Variants in RPE65 observed in about 807,000 individuals in gnomAD.
The protein encoded by RPE65 is retinoid isomerohydrolase.
A neutral mutation model predicts 68.5 loss-of-function variants in RPE65; 58 were observed. That is an observed-to-expected ratio of 0.85 (90% CI 0.69 to 1.05). The LOEUF (loss-of-function observed/expected upper bound fraction) is 1.05, where lower values mean the gene tolerates loss of function less well. RPE65 is among the 50% of genes least tolerant of loss of function. The probability of loss-of-function intolerance (pLI) is 0.00; values close to 1 mark genes in which losing one functional copy is unlikely to be tolerated. For synonymous variants in RPE65, 220 were observed against 222.2 expected (o/e 0.99, Z 0.09); for missense variants, 643 against 629.9 (o/e 1.02, Z -0.22).
Position 68,431,293 on chromosome 1 carries a change from C to T in RPE65, c.1327G>A (p.Val443Ile). Reference sequence around the variant, plus strand: ...GAAGGATTAATTACCCTATCTGGAACAAAGTGATTCAAGCCAAGTCCATAC... The same window carrying T: ...GAAGGATTAATTACCCTATCTGGAATAAAGTGATTCAAGCCAAGTCCATAC... ...YAYGLGLNHF[V>I]PDRLCKLNVK... Residue 443 changes from valine to isoleucine, a missense_variant, in exon 12 of 14, where the codon GTT becomes ATT. Val to Ile is a conservative substitution (Grantham distance 29). Coordinates refer to ENST00000262340, the MANE Select transcript of RPE65 (RefSeq NM_000329.3). The T allele has an allele frequency of 6.2e-7, 1 of 1,613,880 alleles. No individual in the cohort carries two copies. Among genetic ancestry groups the T allele is most frequent in the Non-Finnish European group, 8.5e-7 (1 of 1,179,878 alleles).
chr1:68,438,825 C>G (rs2100818065), intron 9 of RPE65, 117 bp downstream of exon 9: 1 of 1,291,230 alleles, frequency 7.7e-7, no homozygotes, highest in Non-Finnish European at 1.1e-6. Flanking sequence ...ATTTTTGACT[C>G]TCACATAACT....
intron 10 of RPE65, among the ~76,000 whole-genome samples, chr1:68,437,734 C>T (rs1265287473): frequency 6.6e-6 from 1 of 152,086 alleles, no homozygotes; most frequent in African/African-American, 2.4e-5. Flanking sequence ...TGATTTTTAA[C>T]CTCTAGTGAT....
At chr1:68,445,910 G>A (rs935884054) in intron 3 of RPE65, among the ~76,000 whole-genome samples, 2 of 151,674 alleles carry the variant, frequency 1.3e-5, no homozygotes, top group Non-Finnish European at 2.9e-5. Context: ...CTACATTTCT[G>A]CTTGACATCA....
At chr1:68,440,269 A>G (rs539837619) in intron 6 of RPE65, among the ~76,000 whole-genome samples, 1 of 152,322 alleles carries the variant, frequency 6.6e-6, no homozygotes, top group African/African-American at 2.4e-5. Flanking sequence ...AAATAATACT[A>G]AACAAAAATC....
At chr1:68,436,013 C>A (rs1190710453) in intron 10 of RPE65, among the ~76,000 whole-genome samples, 1 of 152,230 alleles carries the variant, frequency 6.6e-6, no homozygotes, top group Non-Finnish European at 1.5e-5. Context: ...ATGATTATTA[C>A]AGTTCCCTAT....
rs1645946067 is a variant in RPE65 at position 68,446,822 on chromosome 1, A to G, written c.133T>C (p.Cys45Arg). The change falls in exon 3 of 14, where the codon TGT (cysteine) becomes CGT (arginine). Residue 45 changes from cysteine to arginine, a missense_variant. Transcript: ENST00000262340. ...CCAACTTCAAAGAGTCCTGGCCCAC[A>G]TCGAAGGAGACTGCCGGTGAGCCAG... ...PLWLTGSLLRCGPGLFEVGSE... is the reference protein window; with the variant it reads ...PLWLTGSLLRRGPGLFEVGSE... 6.2e-7 allele frequency: 1 copy of G among 1,613,884 alleles called. No individual in the cohort carries two copies.
chr1:68,444,467 A>C, intron 5 of RPE65, 64 bp downstream of exon 5: 1 of 1,583,996 alleles, frequency 6.3e-7, no homozygotes, highest in Non-Finnish European at 8.7e-7. Context: ...TGAATAATTT[A>C]TGTTGAATTA....
At chr1:68,434,308 T>C (rs1425247467) in intron 10 of RPE65, among the ~76,000 whole-genome samples, 1 of 151,972 alleles carries the variant, frequency 6.6e-6, no homozygotes, top group African/African-American at 2.4e-5. Flanking sequence ...AGAAACTGAT[T>C]CCCCTGGAAA....
intron 6 of RPE65, 149 bp downstream of exon 6, chr1:68,440,704 G>C: frequency 1.0e-6 from 1 of 963,618 alleles, no homozygotes; most frequent in African/African-American, 1.6e-5. Context: ...CCCCTTATAG[G>C]GTAGGGATGA....
chr1:68,430,987 C>T, intron 13 of RPE65, 78 bp downstream of exon 13: 1 of 1,107,570 alleles, frequency 9.0e-7, no homozygotes, highest in Non-Finnish European at 1.4e-6. Context: ...GAATAATCAA[C>T]CTTACTCCTT....
At chr1:68,437,399 G>C (rs1480874083) in intron 10 of RPE65, among the ~76,000 whole-genome samples, 3 of 152,056 alleles carry the variant, frequency 2.0e-5, no homozygotes, top group African/African-American at 7.2e-5. Context: ...ATTCTTCATA[G>C]AGCTTACAAA....
intron 9 of RPE65, among the ~76,000 whole-genome samples, chr1:68,438,599 G>A (rs1476608371): frequency 2.0e-5 from 3 of 152,166 alleles, no homozygotes; most frequent in Non-Finnish European, 1.5e-5. Flanking sequence ...TGTCTTCTTA[G>A]TGATTTGGCT....
intron 13 of RPE65, 92 bp from the exon 14 acceptor site, chr1:68,430,019 T>C (rs2100805474): frequency 6.6e-6 from 10 of 1,504,196 alleles, no homozygotes; most frequent in Non-Finnish European, 9.1e-6. Flanking sequence ...AGGTATTACA[T>C]TGACAAATAT....
At chr1:68,449,789 C>T (rs1645969980) in intron 1 of RPE65, 106 bp downstream of exon 1, 1 of 1,363,028 alleles carries the variant, frequency 7.3e-7, no homozygotes, top group East Asian at 2.3e-5. Context: ...AAGGGTCTTT[C>T]CTAAACAGGT....
At position 68,429,714 on chromosome 1, in the gene RPE65, T is replaced by C; in HGVS notation, c.*62A>G. The C allele has an allele frequency of 3.7e-6, 6 of 1,604,896 alleles. No homozygotes were observed. Among genetic ancestry groups the C allele is most frequent in the Middle Eastern group, 1.7e-4 (1 of 6,022 alleles). On this transcript the variant is annotated 3_prime_UTR_variant, in exon 14 of 14. Transcript: ENST00000262340. The stretch of plus-strand genomic sequence containing the variant: ...CAGGCTAAAATTGAACAGAATTTGA[T>C]TGCAGACCTGAAGCTGATTTTCTCA...
intron 10 of RPE65, among the ~76,000 whole-genome samples, chr1:68,433,327 A>G (rs1454870860): frequency 6.6e-6 from 1 of 152,180 alleles, no homozygotes; most frequent in Non-Finnish European, 1.5e-5. Flanking sequence ...CCTGACAAAA[A>G]TGATCCATCG....
At chr1:68,434,057 A>G (rs1645844036) in intron 10 of RPE65, among the ~76,000 whole-genome samples, 1 of 150,936 alleles carries the variant, frequency 6.6e-6, no homozygotes, top group Non-Finnish European at 1.5e-5. Flanking sequence ...GAAGGAGTAT[A>G]GTCTTAAGTA....
intron 10 of RPE65, among the ~76,000 whole-genome samples, chr1:68,432,900 G>A (rs1645836844): frequency 1.3e-5 from 2 of 152,124 alleles, no homozygotes; most frequent in Non-Finnish European, 2.9e-5. Flanking sequence ...AAGAAGTGGA[G>A]GACAGAGTCA....
rs1421573076 is a variant in RPE65, at chr1:68,449,941, A to G, written c.-36T>C. 11 of 1,613,706 alleles carry G rather than the reference A, an allele frequency of 6.8e-6. No homozygotes were observed. The highest frequency in any genetic ancestry group is 9.3e-6 in the Non-Finnish European group (11 of 1,179,750). On this transcript the variant is annotated 5_prime_UTR_variant, in exon 1 of 14. Transcript: ENST00000262340. ...TTCAGGATCCAGAGTTCTGGCACCAACTGCAGAATGAAGAAGGAAGTTCTC... is the reference window on the plus strand; with the variant it reads ...TTCAGGATCCAGAGTTCTGGCACCAGCTGCAGAATGAAGAAGGAAGTTCTC...
Sources: gnomAD v4.1 joint callset for allele counts (sites outside exome capture counted in the v4.1 genomes callset) on GRCh38, gnomAD v4.1.1 for gene constraint, MANE v1.5 for transcripts, NCBI Gene and HGNC (gene_info 2026-07-23, HGNC 2026-07-21) for gene names.